Variants in CFAP299 observed in about 807,000 individuals in gnomAD.
CFAP299 encodes the protein cilia- and flagella-associated protein 299.
A neutral mutation model predicts 27.0 loss-of-function variants in CFAP299; 21 were observed. That is an observed-to-expected ratio of 0.78 (90% CI 0.55 to 1.12). The LOEUF is 1.12. Among genes scored for constraint, CFAP299 ranks in the 50% most tolerant of loss-of-function variants. The pLI, the probability that CFAP299 is intolerant of heterozygous loss-of-function variation, is 0.00. For missense variants in CFAP299, 310 were observed against 276.6 expected (o/e 1.12, Z -0.86); for synonymous variants, 104 against 98.1 (o/e 1.06, Z -0.36).
chr4:80,745,182 C>T (rs957476139), intron 3 of CFAP299, among the ~76,000 whole-genome samples: 5 of 152,168 alleles, frequency 3.3e-5, no homozygotes, highest in African/African-American at 1.2e-4. Flanking sequence ...ACCATTATCT[C>T]ATTTCATCCT....
At chr4:80,508,939 A>G (rs1732162548) in intron 2 of CFAP299, among the ~76,000 whole-genome samples, 1 of 152,176 alleles carries the variant, frequency 6.6e-6, no homozygotes, top group African/African-American at 2.4e-5. Context: ...CAACAGAGCA[A>G]TATGAGATAT....
chr4:80,736,134 T>C (rs1453843236), intron 3 of CFAP299, among the ~76,000 whole-genome samples: 1 of 152,172 alleles, frequency 6.6e-6, no homozygotes, highest in African/African-American at 2.4e-5. Context: ...GCTTTTGGTG[T>C]TTTAGACATG....
At chr4:80,690,071 T>C (rs1157398671) in intron 3 of CFAP299, among the ~76,000 whole-genome samples, 1 of 148,888 alleles carries the variant, frequency 6.7e-6, no homozygotes, top group African/African-American at 2.6e-5. Context: ...CAAAGAGACT[T>C]AGACTCCCAC....
At chr4:80,858,151 G>A (rs934368865) in intron 3 of CFAP299, among the ~76,000 whole-genome samples, 1 of 152,088 alleles carries the variant, frequency 6.6e-6, no homozygotes, top group Non-Finnish European at 1.5e-5. Flanking sequence ...TGTATGTGTC[G>A]AGGAATTTAT....
chr4:80,688,842 G>C (rs1461035345), intron 3 of CFAP299, among the ~76,000 whole-genome samples: 3 of 151,966 alleles, frequency 2.0e-5, no homozygotes, highest in East Asian at 3.9e-4. Context: ...ACAGAGAAGT[G>C]CTTAAAGGAG....
intron 2 of CFAP299, chr4:80,386,513 G>T (rs376343889): frequency 9.7e-7 from 1 of 1,029,438 alleles, no homozygotes; most frequent in African/African-American, 7.6e-5. Context: ...GGGCGGTGGT[G>T]GGGGGGGGGG....
chr4:80,364,685 A>C (rs1723731261), intron 2 of CFAP299, among the ~76,000 whole-genome samples: 1 of 152,320 alleles, frequency 6.6e-6, no homozygotes, highest in South Asian at 2.1e-4. Flanking sequence ...TTTGTTGCAC[A>C]GGTCATCCCA....
intron 2 of CFAP299, among the ~76,000 whole-genome samples, chr4:80,574,405 T>C (rs1735745059): frequency 6.6e-6 from 1 of 152,160 alleles, no homozygotes; most frequent in Non-Finnish European, 1.5e-5. Flanking sequence ...CAAACAAGGA[T>C]AATTTGACTT....
At chr4:80,846,270 G>T (rs1476343694) in intron 3 of CFAP299, among the ~76,000 whole-genome samples, 1 of 152,196 alleles carries the variant, frequency 6.6e-6, no homozygotes, top group Non-Finnish European at 1.5e-5. Context: ...AAAGGGATAA[G>T]AGAAGATGGT....
intron 2 of CFAP299, among the ~76,000 whole-genome samples, chr4:80,490,453 T>G (rs867309017): frequency 6.6e-6 from 1 of 152,236 alleles, no homozygotes; most frequent in Non-Finnish European, 1.5e-5. Flanking sequence ...GTTTTCAACA[T>G]CCATCCCATA....
chr4:80,494,601 C>T (rs980867208), intron 2 of CFAP299, among the ~76,000 whole-genome samples: 1 of 152,204 alleles, frequency 6.6e-6, no homozygotes, highest in African/African-American at 2.4e-5. Context: ...TTCAGTTCTT[C>T]ATACCCAGAG....
At chr4:80,808,063 A>G (rs1295590439) in intron 3 of CFAP299, among the ~76,000 whole-genome samples, 2 of 152,050 alleles carry the variant, frequency 1.3e-5, no homozygotes, top group East Asian at 3.8e-4. Context: ...TAAGCATTTT[A>G]TTTTATGATA....
In CFAP299 at chr4:80,558,614, T is replaced by C. The variant is rs181469823; in HGVS notation, c.243-24479T>C. Among the ~76,000 whole-genome samples the C allele has an allele frequency of 3.3e-5, 5 of 152,028 alleles. No homozygotes were observed. The East Asian group carries it at 9.7e-4, about 29-fold the overall frequency. On this transcript the variant is annotated intron_variant, in intron 2 of 5. Transcript: ENST00000358105. ...AGAGCGTCAGGCAGAGATGATTTCA[T>C]AGGAATTGAACAAATTTTAAATATT...
intron 3 of CFAP299, among the ~76,000 whole-genome samples, chr4:80,679,242 C>T (rs369703793): frequency 3.9e-5 from 6 of 152,064 alleles, no homozygotes; most frequent in African/African-American, 1.4e-4. Context: ...TGTAGGAACG[C>T]TTTATTCCTT....
intron 2 of CFAP299, among the ~76,000 whole-genome samples, chr4:80,484,145 A>G (rs1008554384): frequency 6.6e-6 from 1 of 152,132 alleles, no homozygotes; most frequent in African/African-American, 2.4e-5. Flanking sequence ...GAGTGAGGCA[A>G]TTATACCTAT....
chr4:80,582,686 C>G (rs1012139747), intron 2 of CFAP299, among the ~76,000 whole-genome samples: 1 of 151,838 alleles, frequency 6.6e-6, no homozygotes, highest in Non-Finnish European at 1.5e-5. Context: ...TAATGCTCTA[C>G]TCCAGTAACT....
intron 3 of CFAP299, among the ~76,000 whole-genome samples, chr4:80,768,448 A>G (rs144722005): frequency 6.6e-6 from 1 of 152,330 alleles, no homozygotes; most frequent in East Asian, 1.9e-4. Flanking sequence ...AAAACATTTT[A>G]TTTTTAACTA....
At chr4:80,354,678 C>T (rs147821176) in intron 1 of CFAP299, among the ~76,000 whole-genome samples, 18 of 152,238 alleles carry the variant, frequency 1.2e-4, no homozygotes, top group African/African-American at 2.4e-4. Context: ...CTCCCATCCT[C>T]CTCCCTCTGA....
chr4:80,740,980 C>G (rs182472667), intron 3 of CFAP299, among the ~76,000 whole-genome samples: 2 of 152,294 alleles, frequency 1.3e-5, no homozygotes, highest in Admixed American at 1.3e-4. Flanking sequence ...AAAGTGCTCT[C>G]CAAGAGCCTA....
Sources: gnomAD v4.1 joint callset for allele counts (sites outside exome capture counted in the v4.1 genomes callset) on GRCh38, gnomAD v4.1.1 for gene constraint, MANE v1.5 for transcripts, NCBI Gene and HGNC (gene_info 2026-07-23, HGNC 2026-07-21) for gene names.